Variants in MYH15 observed in about 807,000 individuals in gnomAD.
The protein encoded by MYH15 is myosin heavy chain 15.
Under a neutral mutation model 240.5 loss-of-function variants are expected in MYH15, and 227 were observed. The ratio of observed to expected loss-of-function variants is 0.94; its 90% CI spans 0.85 to 1.05. MYH15 has a LOEUF of 1.05. MYH15 is among the 50% of genes least tolerant of loss of function. The pLI is 0.00. For synonymous variants in MYH15, 785 were observed against 796.7 expected (o/e 0.99, Z 0.25); for missense variants, 2,217 against 2,247.5 (o/e 0.99, Z 0.27).
intron 25 of MYH15, 22 bp from the exon 26 acceptor site, chr3:108,430,944 A>G (rs1251296046): frequency 1.4e-6 from 2 of 1,467,702 alleles, no homozygotes; most frequent in Admixed American, 3.4e-5. Context: ...AAGATATCAA[A>G]TACAATTGTT....
chr3:108,437,411 A>C, intron 25 of MYH15, 143 bp downstream of exon 25: 1 of 1,098,628 alleles, frequency 9.1e-7, no homozygotes, highest in Non-Finnish European at 1.3e-6. Context: ...TAAAGAAAAA[A>C]AAAATTGTTT....
chr3:108,458,336 A>G (rs2107579646), intron 18 of MYH15, among the ~76,000 whole-genome samples: 1 of 152,292 alleles, frequency 6.6e-6, no homozygotes, highest in African/African-American at 2.4e-5. Flanking sequence ...ACATCCAGAA[A>G]CCCAGCTGAT....
chr3:108,410,220 G>A (rs1010230631), intron 31 of MYH15, among the ~76,000 whole-genome samples: 2 of 151,948 alleles, frequency 1.3e-5, no homozygotes, highest in Non-Finnish European at 1.5e-5. Context: ...TCATTAAATC[G>A]GGAAATATAT....
At chr3:108,476,366 G>A (rs998923743) in intron 12 of MYH15, 31 bp downstream of exon 12, 2 of 1,268,118 alleles carry the variant, frequency 1.6e-6, no homozygotes, top group African/African-American at 2.9e-5. Flanking sequence ...GAAGATCATA[G>A]AATAATAATG....
chr3:108,470,890 T>C (rs751331730), intron 12 of MYH15, 43 bp from the exon 13 acceptor site: 1 of 1,601,348 alleles, frequency 6.2e-7, no homozygotes, highest in African/African-American at 1.3e-5. Context: ...GACTGAAGTG[T>C]TCATTTTAAT....
chr3:108,495,796 T>C lies in MYH15; in HGVS notation c.695A>G (p.Asp232Gly), dbSNP rs1424556338. The stretch of plus-strand genomic sequence containing the variant: ...GTTACTTACAAAACGAGAGGAGTTG[T>C]CATTTCTCAGGGTTTTAGCATTTCC... Reference protein sequence around the residue: ...AFGNAKTLRNDNSSRFGKFIR... With the variant: ...AFGNAKTLRNGNSSRFGKFIR... Residue 232 changes from aspartate to glycine, a missense_variant, in exon 7 of 41, where the codon GAC (aspartate) becomes GGC (glycine). Asp to Gly is a moderately conservative substitution (Grantham distance 94, BLOSUM62 -1). Transcript: ENST00000693548. The C allele has an allele frequency of 6.2e-7, 1 of 1,611,972 alleles. No homozygotes were observed. The highest frequency in any genetic ancestry group is 8.5e-7 in the Non-Finnish European group (1 of 1,178,988).
the MYH15 span, chr3:108,544,025 T>C: frequency 6.6e-6 from 1 of 150,842 alleles, no homozygotes; most frequent in Admixed American, 6.6e-5. Context: ...AGTTGATCCA[T>C]ACTTCAACTG....
intron 9 of MYH15, among the ~76,000 whole-genome samples, chr3:108,491,213 G>C (rs922984798): frequency 3.3e-5 from 5 of 151,992 alleles, no homozygotes; most frequent in Admixed American, 6.6e-5. Flanking sequence ...TTACTCATTT[G>C]TTGCCTGTCT....
chr3:108,492,735 C>A, intron 8 of MYH15, 140 bp from the exon 9 acceptor site: 1 of 619,792 alleles, frequency 1.6e-6, no homozygotes, highest in East Asian at 2.8e-5. Flanking sequence ...TCACTTGAGG[C>A]CAGGAGTTTG....
chr3:108,419,607 G>C (rs2082664561), intron 28 of MYH15, among the ~76,000 whole-genome samples: 1 of 152,184 alleles, frequency 6.6e-6, no homozygotes, highest in African/African-American at 2.4e-5. Flanking sequence ...GATCAAACTG[G>C]GGGCTTGGTA....
chr3:108,455,994 C>T (rs1320128424), intron 19 of MYH15, 135 bp from the exon 20 acceptor site: 1 of 856,862 alleles, frequency 1.2e-6, no homozygotes, highest in African/African-American at 1.7e-5. Context: ...TCACAAGATT[C>T]TTAGTAACAA....
chr3:108,517,962 A>C (rs905608939), intron 1 of MYH15, among the ~76,000 whole-genome samples: 1 of 152,194 alleles, frequency 6.6e-6, no homozygotes, highest in Non-Finnish European at 1.5e-5. Flanking sequence ...CATACAGGTC[A>C]AGGAGGCATA....
chr3:108,388,990 T>C lies in MYH15; in HGVS notation c.5515A>G (p.Ile1839Val), dbSNP rs752999805. Residue 1839 changes from isoleucine to valine, a missense_variant, in exon 38 of 41, where the codon ATC becomes GTC. Transcript: ENST00000693548. ...QRGARRLERC[I>V]KELTYQAEED... ...AGTACCTGATAGGTCAGCTCTTTGA[T>C]GCATCGCTCAAGTCTGCGGGCTCCC... is the stretch of plus-strand genomic sequence containing the variant. 6.2e-7 allele frequency: 1 copy of C among 1,613,728 alleles called. No individual in the cohort carries two copies. Among genetic ancestry groups the C allele is most frequent in the South Asian group, 1.1e-5 (1 of 90,990 alleles).
intron 39 of MYH15, 83 bp downstream of exon 39, chr3:108,384,604 T>G: frequency 7.9e-7 from 1 of 1,272,346 alleles, no homozygotes; most frequent in Admixed American, 1.8e-5. Context: ...GACAAGCTGC[T>G]TGCTGAGCTC....
chr3:108,541,680 C>T, the MYH15 span, among the ~76,000 whole-genome samples: 47 of 152,132 alleles, frequency 3.1e-4, no homozygotes, highest in Admixed American at 4.6e-4. Context: ...TACACTTCAA[C>T]TAAGTAATAT....
intron 27 of MYH15, among the ~76,000 whole-genome samples, chr3:108,427,657 A>G (rs113016571): frequency 4.8e-4 from 53 of 111,210 alleles, no homozygotes; most frequent in African/African-American, 8.4e-4. Flanking sequence ...GAGAGAGAGA[A>G]AGAGAGAGAG....
In MYH15 at chr3:108,510,503, C is replaced by T. The variant is rs547047848; in HGVS notation, c.28G>A (p.Ala10Thr). 2.9e-5 allele frequency: 46 copies of T among 1,613,232 alleles called. No individual in the cohort carries two copies. The highest frequency in any genetic ancestry group is 8.9e-5 in the East Asian group (4 of 44,862). Reference sequence around the variant, plus strand: ...GCTTCACTTCTTCTGAGGAAGGCTGCGGCTTCTCCAAGGTCTGACAGATCC... The same window carrying T: ...GCTTCACTTCTTCTGAGGAAGGCTGTGGCTTCTCCAAGGTCTGACAGATCC... Reference protein sequence around the residue: MDLSDLGEAAAFLRRSEAEL... With the variant: MDLSDLGEATAFLRRSEAEL... The change falls in exon 1 of 41, where the codon GCA (alanine) becomes ACA (threonine). Residue 10 changes from alanine (A) to threonine (T), a missense_variant. Ala to Thr is a moderately conservative substitution (Grantham distance 58, BLOSUM62 0). Coordinates refer to ENST00000693548, the MANE Select transcript of MYH15 (RefSeq NM_014981.3).
rs754992429 is a variant in MYH15, at chr3:108,394,155, T to C, written c.5135A>G (p.Asn1712Ser). Residue 1712 changes from asparagine to serine, a missense_variant and splice_region_variant, in exon 36 of 41, where the codon AAC becomes AGC. Transcript: ENST00000693548. ...TERINLFYTQ[N>S]TSLLSQKKKL... ...CTTCTTCTGGCTGAGGAGGCTTGTGTTCTAAAGAAAAGCAGCATTCCTATT... is the reference window on the plus strand; with the variant it reads ...CTTCTTCTGGCTGAGGAGGCTTGTGCTCTAAAGAAAAGCAGCATTCCTATT... 1.9e-6 allele frequency: 3 copies of C among 1,613,616 alleles called. No homozygotes were observed. The highest frequency in any genetic ancestry group is 2.2e-5 in the East Asian group (1 of 44,890).
intron 1 of MYH15, among the ~76,000 whole-genome samples, chr3:108,529,079 ACCGGC>A (rs1291636037): frequency 6.6e-6 from 1 of 152,166 alleles, no homozygotes; most frequent in Non-Finnish European, 1.5e-5. Context: ...TAAAAAGCAG[ACCGGC>A]TACATTTATG....
Sources: allele counts gnomAD v4.1 joint callset (sites outside exome capture counted in the v4.1 genomes callset), GRCh38; gene constraint gnomAD v4.1.1; transcripts MANE v1.5; gene names NCBI Gene and HGNC (gene_info 2026-07-23, HGNC 2026-07-21).